Variants in TMX1 observed in about 807,000 individuals in gnomAD.
TMX1 encodes the protein thioredoxin-related transmembrane protein 1.
Under a neutral mutation model 36.6 loss-of-function variants are expected in TMX1, and 25 were observed. The ratio of observed to expected loss-of-function variants is 0.68; its 90% CI spans 0.50 to 0.95. The LOEUF (loss-of-function observed/expected upper bound fraction) is 0.95, where lower values mean the gene tolerates loss of function less well. TMX1 is among the 40% of genes least tolerant of loss of function. TMX1 has a pLI of 0.00. For synonymous variants in TMX1, 133 were observed against 118.0 expected (o/e 1.13, Z -0.82); for missense variants, 347 against 339.6 (o/e 1.02, Z -0.17).
At chr14:51,241,048 T>C (rs555744296) in intron 1 of TMX1, among the ~76,000 whole-genome samples, 1 of 152,308 alleles carries the variant, frequency 6.6e-6, no homozygotes, top group African/African-American at 2.4e-5. Context: ...TTTCTCTTTT[T>C]TTCACTCCTC....
At chr14:51,254,252 T>G in intron 7 of TMX1, 89 bp from the exon 8 acceptor site, 1 of 1,165,708 alleles carries the variant, frequency 8.6e-7, no homozygotes, top group Non-Finnish European at 1.2e-6. Context: ...CAAAGCAGTT[T>G]TGGGGCATAT....
intron 7 of TMX1, chr14:51,254,066 CACA>C (rs1596408981): frequency 4.5e-6 from 1 of 223,202 alleles, no homozygotes; most frequent in East Asian, 1.1e-4. Context: ...CTTCCATATT[CACA>C]ACATTAATGC....
rs1395799740 is a variant in TMX1 at position 51,255,106 on chromosome 14, T to A, written c.*587T>A. 2 of 152,102 alleles carry A rather than the reference T, an allele frequency of 1.3e-5. No individual in the cohort carries two copies. The highest frequency in any genetic ancestry group is 4.8e-5 in the African/African-American group (2 of 41,462). The allele number at this position is 152,102 out of a possible 1,614,324, so 9.4% of individuals were successfully genotyped here. A position where few individuals can be genotyped will look rare whatever the true frequency, so the allele number is the denominator to read the frequency against. On this transcript the variant is annotated 3_prime_UTR_variant, in exon 8 of 8. Coordinates refer to ENST00000457354, the MANE Select transcript of TMX1 (RefSeq NM_030755.5). ...TTTCTACACATGGTAATACAGGATA[T>A]GCTACTGATTTAGGAAGTTTTTAAG...
chr14:51,249,399 A>G (rs1322525779), intron 5 of TMX1, 28 bp downstream of exon 5: 1 of 1,599,062 alleles, frequency 6.3e-7, no homozygotes, highest in Non-Finnish European at 8.5e-7. Flanking sequence ...TTTATCTTAA[A>G]CATTTTTACC....
At chr14:51,243,511 A>G (rs1212993384) in intron 1 of TMX1, among the ~76,000 whole-genome samples, 3 of 152,232 alleles carry the variant, frequency 2.0e-5, no homozygotes, top group African/African-American at 7.2e-5. Context: ...ATTATAAATT[A>G]TTAAAATTGG....
intron 7 of TMX1, among the ~76,000 whole-genome samples, chr14:51,251,360 A>G (rs1165377179): frequency 2.0e-5 from 3 of 152,208 alleles, no homozygotes; most frequent in Non-Finnish European, 4.4e-5. Context: ...GGTTAGTTGT[A>G]TTAAATGCCT....
In TMX1 at chr14:51,256,513, G is replaced by T. The variant is rs1275716832; in HGVS notation, c.*1994G>T. ...GATTATTTACAAATGGTTTAGGAAAGAATAAGGTATAGTAAAAGTAATATC... is the reference window on the plus strand; with the variant it reads ...GATTATTTACAAATGGTTTAGGAAATAATAAGGTATAGTAAAAGTAATATC... On this transcript the variant is annotated 3_prime_UTR_variant, in exon 8 of 8. Coordinates refer to ENST00000457354, the MANE Select transcript of TMX1 (RefSeq NM_030755.5). 2 of 152,110 alleles carry T rather than the reference G, an allele frequency of 1.3e-5. No individual in the cohort carries two copies. The highest frequency in any genetic ancestry group is 4.8e-5 in the African/African-American group (2 of 41,426). 9.4% of individuals were successfully genotyped at this position (152,110 alleles called of 1,614,324 possible). A position where few individuals can be genotyped will look rare whatever the true frequency, so the allele number is the denominator to read the frequency against.
rs780892306 is a variant in TMX1 at position 51,240,299 on chromosome 14, C to T, written c.7C>T (p.Pro3Ser). MA[P>S]SGSLAVPLAV... is the part of the protein sequence containing the mutation. ...GAGGTGGGCAAGCGGCGAAATGGCG[C>T]CCTCCGGGAGTCTTGCAGTTCCCCT... The change falls in exon 1 of 8, where the codon CCC becomes TCC. Residue 3 changes from proline to serine, a missense_variant. Pro to Ser is a moderately conservative substitution (Grantham distance 74, BLOSUM62 -1). Transcript: ENST00000457354. 2.4e-5 allele frequency: 38 copies of T among 1,610,684 alleles called. No individual in the cohort carries two copies. The highest frequency in any genetic ancestry group is 3.0e-5 in the Non-Finnish European group (35 of 1,179,560).
intron 1 of TMX1, among the ~76,000 whole-genome samples, chr14:51,242,555 AAAGT>A (rs1184053255): frequency 6.6e-6 from 1 of 152,204 alleles, no homozygotes; most frequent in African/African-American, 2.4e-5. Context: ...TAGAGATTCT[AAAGT>A]AAGTTTTTAG....
chr14:51,245,635 G>A (rs574637461), intron 3 of TMX1: 5 of 581,742 alleles, frequency 8.6e-6, no homozygotes, highest in East Asian at 8.4e-5. Context: ...AAGTCATTAT[G>A]CATCCAAAGT....
At chr14:51,247,019 A>G (rs889304117) in intron 3 of TMX1, 73 bp from the exon 4 acceptor site, 6 of 1,359,222 alleles carry the variant, frequency 4.4e-6, no homozygotes, top group African/African-American at 1.5e-5. Flanking sequence ...TGTAAAGTGA[A>G]GTGAAAAAAT....
rs775069509 is a variant in TMX1, at chr14:51,249,710, A to C, written c.609A>C (p.Ala203=). ...TTTTACAGTGTATGATATTTGTGGCAGATTGCCTTTGTCCTTCAAAAAGGC... is the reference window on the plus strand; with the variant it reads ...TTTTACAGTGTATGATATTTGTGGCCGATTGCCTTTGTCCTTCAAAAAGGC... ...LLLGLCMIFV[A]DCLCPSKRRR... Residue 203 remains alanine, a synonymous_variant, in exon 7 of 8, where the codon GCA becomes GCC. Transcript: ENST00000457354. The C allele has an allele frequency of 1.2e-6, 2 of 1,613,576 alleles. No homozygotes were observed. Among genetic ancestry groups the C allele is most frequent in the African/African-American group, 2.7e-5 (2 of 74,912 alleles).
At chr14:51,246,331 C>T (rs2065785620) in intron 3 of TMX1, among the ~76,000 whole-genome samples, 1 of 152,132 alleles carries the variant, frequency 6.6e-6, no homozygotes, top group Non-Finnish European at 1.5e-5. Context: ...GAAATCTTAC[C>T]TATGCTTCAA....
chr14:51,252,681 A>G (rs1333025033), intron 7 of TMX1, among the ~76,000 whole-genome samples: 1 of 152,170 alleles, frequency 6.6e-6, no homozygotes, highest in African/African-American at 2.4e-5. Context: ...AATGGAACAC[A>G]TGATTTGAAT....
chr14:51,254,255 G>T, intron 7 of TMX1, 86 bp from the exon 8 acceptor site: 1 of 1,194,480 alleles, frequency 8.4e-7, no homozygotes, highest in East Asian at 2.7e-5. Flanking sequence ...AGCAGTTTTG[G>T]GGCATATGAG....
chr14:51,240,555 A>C, intron 1 of TMX1, 111 bp downstream of exon 1: 1 of 1,431,146 alleles, frequency 7.0e-7, no homozygotes, highest in Non-Finnish European at 9.2e-7. Context: ...CGAGTTGCGG[A>C]GCGAGCGTCC....
Position 51,243,840 on chromosome 14 carries a change from A to T in TMX1, c.153-16A>T, listed in dbSNP as rs779867440. 6.4e-7 allele frequency: 1 copy of T among 1,572,088 alleles called. No individual in the cohort carries two copies. Among genetic ancestry groups the T allele is most frequent in the Non-Finnish European group, 8.6e-7 (1 of 1,162,538 alleles). On this transcript the variant is annotated splice_polypyrimidine_tract_variant and intron_variant, in intron 1 of 7. Coordinates refer to ENST00000457354, the MANE Select transcript of TMX1 (RefSeq NM_030755.5). Reference sequence around the variant, plus strand: ...AAGTGCTTAACTTTTTTTAAAAAAAAATCTGTATTTCTTAGTTATGCCCCG... The same window carrying T: ...AAGTGCTTAACTTTTTTTAAAAAAATATCTGTATTTCTTAGTTATGCCCCG...
chr14:51,241,615 T>C (rs1180456955), intron 1 of TMX1, among the ~76,000 whole-genome samples: 1 of 152,108 alleles, frequency 6.6e-6, no homozygotes, highest in African/African-American at 2.4e-5. Flanking sequence ...CCCAGGAGAT[T>C]GAGGTATGAG....
chr14:51,248,684 A>G (rs1249800339), intron 4 of TMX1, among the ~76,000 whole-genome samples: 2 of 152,222 alleles, frequency 1.3e-5, no homozygotes, highest in Admixed American at 1.3e-4. Context: ...TCTATTTTCA[A>G]GCAGCTACAA....
Sources: allele counts gnomAD v4.1 joint callset (sites outside exome capture counted in the v4.1 genomes callset), GRCh38; gene constraint gnomAD v4.1.1; transcripts MANE v1.5; gene names NCBI Gene and HGNC (gene_info 2026-07-23, HGNC 2026-07-21).